PDSS2: variants seen among roughly 807,000 people sequenced by gnomAD.
PDSS2 encodes the protein decaprenyl diphosphate synthase subunit 2, also known as all trans-polyprenyl-diphosphate synthase PDSS2.
PDSS2 carries 31 observed loss-of-function variants against 44.5 expected under a neutral mutation model. The observed-to-expected ratio is 0.70, with a 90% confidence interval of 0.52 to 0.94. The LOEUF (loss-of-function observed/expected upper bound fraction) is 0.94. PDSS2 is among the 40% of genes least tolerant of loss of function. The probability of loss-of-function intolerance (pLI) is 0.00; values close to 1 mark genes in which losing one functional copy is unlikely to be tolerated. For missense variants in PDSS2, 452 were observed against 482.2 expected, an observed-to-expected ratio of 0.94 and a Z score of 0.59; for synonymous variants, 157 against 180.3, an observed-to-expected ratio of 0.87 and a Z score of 1.03.
chr6:107,365,649 A>G (rs2114333008), intron 1 of PDSS2, among the ~76,000 whole-genome samples: 1 of 152,286 alleles, frequency 6.6e-6, no homozygotes, highest in Non-Finnish European at 1.5e-5. Flanking sequence ...ATAGAAAAAG[A>G]CGGTAATAGG....
intron 3 of PDSS2, among the ~76,000 whole-genome samples, chr6:107,268,146 A>G (rs962565475): frequency 6.6e-6 from 1 of 152,154 alleles, no homozygotes; most frequent in Non-Finnish European, 1.5e-5. Context: ...ATGACCTACA[A>G]TAAAAATTAC....
intron 1 of PDSS2, among the ~76,000 whole-genome samples, chr6:107,370,655 G>GAT (rs1779102375): frequency 6.6e-6 from 1 of 152,096 alleles, no homozygotes; most frequent in Admixed American, 6.5e-5. Context: ...TACAATGCAG[G>GAT]ATATTCAAGT....
At chr6:107,435,572 G>T (rs1483173840) in intron 1 of PDSS2, among the ~76,000 whole-genome samples, 4 of 152,148 alleles carry the variant, frequency 2.6e-5, no homozygotes, top group African/African-American at 9.7e-5. Context: ...ATAGCCTAAA[G>T]TTAGAGAGAG....
chr6:107,363,195 A>G lies in PDSS2; in HGVS notation c.297-28863T>C, dbSNP rs147489043. Among the ~76,000 whole-genome samples, 8 of 152,338 alleles carry G rather than the reference A, an allele frequency of 5.3e-5. No homozygotes were observed. In the East Asian group the frequency reaches 1.5e-3, roughly 29 times the overall value. On this transcript the variant is annotated intron_variant, in intron 1 of 7. Coordinates refer to ENST00000369037, the MANE Select transcript of PDSS2 (RefSeq NM_020381.4). ...AGAACAAAGCCATTCAACTAACTCA[A>G]TACAGGACAAATACAGAGATATACA...
intron 1 of PDSS2, among the ~76,000 whole-genome samples, chr6:107,448,209 A>G (rs1781750276): frequency 6.6e-6 from 1 of 152,212 alleles, no homozygotes; most frequent in Non-Finnish European, 1.5e-5. Flanking sequence ...TTGTCTTGGC[A>G]ATTAGCATTT....
At chr6:107,338,738 A>T (rs1777986199) in intron 1 of PDSS2, among the ~76,000 whole-genome samples, 1 of 152,192 alleles carries the variant, frequency 6.6e-6, no homozygotes, top group African/African-American at 2.4e-5. Context: ...TCCGAAGGAA[A>T]GAGAGGAGGA....
chr6:107,294,581 G>A (rs1028614175), intron 2 of PDSS2, among the ~76,000 whole-genome samples: 12 of 152,048 alleles, frequency 7.9e-5, no homozygotes, highest in African/African-American at 2.9e-4. Context: ...GACAATAGGT[G>A]CCATTGGCAG....
intron 6 of PDSS2, among the ~76,000 whole-genome samples, chr6:107,204,139 C>T (rs1286041793): frequency 6.6e-6 from 1 of 152,030 alleles, no homozygotes; most frequent in Non-Finnish European, 1.5e-5. Context: ...GATGGGGTTT[C>T]ACCATGTTGG....
At chr6:107,306,454 G>C (rs1362820687) in intron 2 of PDSS2, among the ~76,000 whole-genome samples, 3 of 152,200 alleles carry the variant, frequency 2.0e-5, no homozygotes, top group African/African-American at 7.2e-5. Flanking sequence ...ACGTGGAACT[G>C]TAAGTCCAAT....
At chr6:107,408,032 T>G (rs1047883679) in intron 1 of PDSS2, among the ~76,000 whole-genome samples, 2 of 151,218 alleles carry the variant, frequency 1.3e-5, no homozygotes, top group African/African-American at 4.9e-5. Flanking sequence ...CATTTATTTT[T>G]TAATTAATTT....
rs560023945 is a variant in PDSS2, at chr6:107,362,092, CAGACAAACT to C, written c.297-27769_297-27761del. ...AAGCAAACCTGACGGGGGCAGGCAG[CAGACAAACT>C]AGCCAAATATTTAACAGGGAATTCC... is the stretch of plus-strand genomic sequence containing the variant. On this transcript the variant is annotated intron_variant, in intron 1 of 7. Coordinates refer to ENST00000369037, the MANE Select transcript of PDSS2 (RefSeq NM_020381.4). Among the ~76,000 whole-genome samples, 1,103 of 152,312 alleles carry C rather than the reference CAGACAAACT, an allele frequency of 7.2e-3. 8 individuals are homozygous for C. The highest frequency in any genetic ancestry group is 0.011 in the Non-Finnish European group (717 of 68,020).
intron 7 of PDSS2, among the ~76,000 whole-genome samples, chr6:107,158,038 T>C (rs1420360359): frequency 1.3e-5 from 2 of 152,142 alleles, no homozygotes; most frequent in African/African-American, 2.4e-5. Context: ...CCTTACTGTA[T>C]AATGCATGAA....
chr6:107,364,629 C>G (rs965407248), intron 1 of PDSS2, among the ~76,000 whole-genome samples: 1 of 152,190 alleles, frequency 6.6e-6, no homozygotes, highest in Non-Finnish European at 1.5e-5. Context: ...GCCTCTCCCT[C>G]CACACCTCCC....
rs543024421 is a variant in PDSS2 at position 107,417,884 on chromosome 6, G to T, written c.296+41106C>A. Among the ~76,000 whole-genome samples the T allele has an allele frequency of 2.0e-5, 3 of 151,592 alleles. No individual in the cohort carries two copies. In the South Asian group the frequency reaches 6.3e-4, roughly 32 times the overall value. On this transcript the variant is annotated intron_variant, in intron 1 of 7. Coordinates refer to ENST00000369037, the MANE Select transcript of PDSS2 (RefSeq NM_020381.4). ...CAACATAAACATTCAACAGGGTAAA[G>T]GTATGTGTAATACAAGACAATAAAA...
chr6:107,388,132 C>T (rs1292586640), intron 1 of PDSS2, among the ~76,000 whole-genome samples: 2 of 152,094 alleles, frequency 1.3e-5, no homozygotes, highest in African/African-American at 4.8e-5. Flanking sequence ...ACCCCGACAG[C>T]CACAATGCAT....
intron 1 of PDSS2, among the ~76,000 whole-genome samples, chr6:107,421,289 T>G (rs1188272404): frequency 6.6e-6 from 1 of 152,196 alleles, no homozygotes; most frequent in Admixed American, 6.5e-5. Context: ...GGCAATTTCT[T>G]ATGAAATTGA....
intron 1 of PDSS2, among the ~76,000 whole-genome samples, chr6:107,424,036 C>CATTTTTTTTTTTTTTTTTTTTTTTTTT (rs1554279679): frequency 3.3e-5 from 3 of 90,586 alleles, no homozygotes. Flanking sequence ...TATCTTGCAT[C>CATTTTTTTTTTTTTTTTTTTTTTTTTT]TTTTTTTTTT....
At chr6:107,259,316 G>GT (rs1775133850) in intron 3 of PDSS2, among the ~76,000 whole-genome samples, 1 of 152,042 alleles carries the variant, frequency 6.6e-6, no homozygotes, top group Admixed American at 6.6e-5. Flanking sequence ...ATTCTGAGAG[G>GT]TAAAATGAAG....
At chr6:107,312,663 T>C (rs899266985) in intron 2 of PDSS2, among the ~76,000 whole-genome samples, 1 of 152,112 alleles carries the variant, frequency 6.6e-6, no homozygotes, top group African/African-American at 2.4e-5. Flanking sequence ...CTAACAAGAT[T>C]AAAAATCTAT....
Sources: allele counts gnomAD v4.1 joint callset (sites outside exome capture counted in the v4.1 genomes callset), GRCh38; gene constraint gnomAD v4.1.1; transcripts MANE v1.5; gene names NCBI Gene and HGNC (gene_info 2026-07-23, HGNC 2026-07-21).